The following GALNT13 variants were observed in gnomAD, a reference collection of about 807,000 sequenced individuals.
The protein encoded by GALNT13 is UDP-GalNAc:polypeptide N-acetylgalactosaminyltransferase 13.
Under a neutral mutation model 64.2 loss-of-function variants are expected in GALNT13, and 28 were observed. The ratio of observed to expected loss-of-function variants is 0.44; its 90% CI spans 0.32 to 0.60. The LOEUF is 0.60. GALNT13 is among the 20% of genes least tolerant of loss of function. The pLI is 0.05. For missense variants in GALNT13, 577 were observed against 669.8 expected (o/e 0.86, Z 1.53); for synonymous variants, 214 against 224.6 (o/e 0.95, Z 0.42).
chr2:153,511,006 A>G, the GALNT13 span, among the ~76,000 whole-genome samples: 2 of 152,104 alleles, frequency 1.3e-5, no homozygotes, highest in Non-Finnish European at 2.9e-5. Context: ...CCTAGGAGTT[A>G]CAAGAGGGAG....
the GALNT13 span, among the ~76,000 whole-genome samples, chr2:153,658,909 C>A: frequency 1.3e-5 from 2 of 151,976 alleles, no homozygotes; most frequent in African/African-American, 2.4e-5. Context: ...ACCCATTTAT[C>A]AGCCCACGTT....
At chr2:154,014,649 T>TTTTTTTTTTTTTTTTTTTTTTTTTTTTC (rs1395681522) in intron 3 of GALNT13, among the ~76,000 whole-genome samples, 1 of 139,318 alleles carries the variant, frequency 7.2e-6, no homozygotes, top group Non-Finnish European at 1.6e-5. Context: ...TTTTTTTTTT[T>TTTTTTTTTTTTTTTTTTTTTTTTTTTTC]TGAGACGGAG....
At chr2:153,833,168 G>C in the GALNT13 span, among the ~76,000 whole-genome samples, 1 of 151,834 alleles carries the variant, frequency 6.6e-6, no homozygotes, top group Non-Finnish European at 1.5e-5. Context: ...TAGCCCTTTT[G>C]GTCATCAGAT....
chr2:154,364,432 C>T (rs928787789), intron 9 of GALNT13, among the ~76,000 whole-genome samples: 45 of 149,402 alleles, frequency 3.0e-4, no homozygotes, highest in Non-Finnish European at 3.9e-4. Context: ...AATATCTCGA[C>T]TCCAGTAAAT....
intron 4 of GALNT13, among the ~76,000 whole-genome samples, chr2:154,176,986 A>G (rs945701121): frequency 2.6e-5 from 4 of 152,064 alleles, no homozygotes; most frequent in African/African-American, 9.7e-5. Flanking sequence ...GATTCATGAG[A>G]CCCCTCTCCA....
chr2:153,992,409 A>G (rs1183823460), intron 3 of GALNT13, among the ~76,000 whole-genome samples: 1 of 152,196 alleles, frequency 6.6e-6, no homozygotes, highest in Non-Finnish European at 1.5e-5. Context: ...GGAATCTTTA[A>G]TGCTATTTAT....
At chr2:153,229,455 G>A in the GALNT13 span, among the ~76,000 whole-genome samples, 1 of 152,110 alleles carries the variant, frequency 6.6e-6, no homozygotes, top group African/African-American at 2.4e-5. Context: ...GCAGCCTTTT[G>A]TAAAGTGTAA....
chr2:154,351,633 A>G (rs2105256706), intron 9 of GALNT13, among the ~76,000 whole-genome samples: 1 of 132,328 alleles, frequency 7.6e-6, no homozygotes, highest in South Asian at 2.6e-4. Context: ...CAGTGAGCTG[A>G]GATGGCGCCA....
chr2:153,633,626 A>T, the GALNT13 span, among the ~76,000 whole-genome samples: 3 of 152,158 alleles, frequency 2.0e-5, no homozygotes, highest in Non-Finnish European at 4.4e-5. Flanking sequence ...TACCTGTTGT[A>T]GTTTACCAGC....
At chr2:154,358,463 T>G in intron 9 of GALNT13, among the ~76,000 whole-genome samples, 1 of 152,072 alleles carries the variant, frequency 6.6e-6, no homozygotes, top group East Asian at 1.9e-4. Flanking sequence ...TATATTCACT[T>G]TCATATAAAA....
chr2:154,425,887 A>G (rs1574283796), intron 11 of GALNT13, among the ~76,000 whole-genome samples: 4 of 152,306 alleles, frequency 2.6e-5, no homozygotes, highest in African/African-American at 9.6e-5. Flanking sequence ...ATGGGAGATG[A>G]TGTCTCACAT....
chr2:153,664,670 C>T, the GALNT13 span, among the ~76,000 whole-genome samples: 26 of 152,306 alleles, frequency 1.7e-4, no homozygotes, highest in African/African-American at 5.8e-4. Context: ...GCAGTAAAGA[C>T]AGGCATTAAG....
chr2:153,255,256 TTTAAAG>T, the GALNT13 span, among the ~76,000 whole-genome samples: 15 of 143,362 alleles, frequency 1.0e-4, no homozygotes, highest in Admixed American at 1.0e-3. Context: ...TCTTTGTTGG[TTTAAAG>T]TCTGTTTTAT....
the GALNT13 span, among the ~76,000 whole-genome samples, chr2:153,450,717 C>T: frequency 3.9e-5 from 6 of 151,984 alleles, no homozygotes; most frequent in Non-Finnish European, 8.8e-5. Context: ...TGAAGCTGAC[C>T]TTGTAATATG....
intron 10 of GALNT13, among the ~76,000 whole-genome samples, chr2:154,397,322 C>T (rs1173086250): frequency 1.3e-5 from 2 of 152,006 alleles, no homozygotes; most frequent in Non-Finnish European, 2.9e-5. Context: ...ACCTGTAGTC[C>T]CAGCTACTCG....
chr2:153,302,092 G>C, the GALNT13 span, among the ~76,000 whole-genome samples: 14 of 151,994 alleles, frequency 9.2e-5, no homozygotes, highest in African/African-American at 3.4e-4. Context: ...TCGTATGGTA[G>C]TTACGTTATA....
the GALNT13 span, among the ~76,000 whole-genome samples, chr2:153,454,449 A>G: frequency 3.9e-5 from 6 of 152,158 alleles, no homozygotes; most frequent in Admixed American, 3.9e-4. Context: ...AGGCAGTTGT[A>G]TCTAATTACT....
At chr2:153,069,444 C>A in the GALNT13 span, among the ~76,000 whole-genome samples, 4 of 152,168 alleles carry the variant, frequency 2.6e-5, no homozygotes, top group East Asian at 3.9e-4. Context: ...CATTACAACA[C>A]AAGAGCAAAC....
the GALNT13 span, among the ~76,000 whole-genome samples, chr2:153,153,351 G>GT: frequency 6.6e-6 from 1 of 151,950 alleles, no homozygotes; most frequent in Non-Finnish European, 1.5e-5. Context: ...TTTATAGGTT[G>GT]TTTTTTCCAT....
Sources: gnomAD v4.1 joint callset for allele counts (sites outside exome capture counted in the v4.1 genomes callset) on GRCh38, gnomAD v4.1.1 for gene constraint, MANE v1.5 for transcripts, NCBI Gene and HGNC (gene_info 2026-07-23, HGNC 2026-07-21) for gene names.